The following DST variants were observed in gnomAD, a reference collection of about 807,000 sequenced individuals.
The protein encoded by DST is dystonin.
A neutral mutation model predicts 875.2 loss-of-function variants in DST; 253 were observed. That is an observed-to-expected ratio of 0.29 (90% confidence interval 0.26 to 0.32). DST has a LOEUF of 0.32. Ranked by LOEUF, DST falls within the 10% of genes least tolerant of loss-of-function variation. The pLI, the probability that DST is intolerant of heterozygous loss-of-function variation, is 1.00. For missense variants in DST, 8,287 were observed against 9,111.6 expected (o/e 0.91, Z 3.68); for synonymous variants, 3,124 against 3,197.1 (o/e 0.98, Z 0.77).
chr6:56,564,601 A>G (rs1279341725), intron 55 of DST, among the ~76,000 whole-genome samples: 3 of 152,174 alleles, frequency 2.0e-5, no homozygotes, highest in Non-Finnish European at 4.4e-5. Context: ...AGAACTTCCA[A>G]TACTATGCTG....
At chr6:56,805,079 G>T (rs2153027314) in intron 4 of DST, among the ~76,000 whole-genome samples, 1 of 151,778 alleles carries the variant, frequency 6.6e-6, no homozygotes, top group South Asian at 2.1e-4. Context: ...GATTACTTTT[G>T]TCTGTAAAAC....
At chr6:56,765,013 A>G (rs966930905) in intron 4 of DST, among the ~76,000 whole-genome samples, 3 of 134,952 alleles carry the variant, frequency 2.2e-5, no homozygotes, top group African/African-American at 9.3e-5. Flanking sequence ...GAGGGAGGGT[A>G]AGAAGCAATA....
At chr6:56,680,558 C>A (rs545957251) in intron 9 of DST, among the ~76,000 whole-genome samples, 1 of 152,204 alleles carries the variant, frequency 6.6e-6, no homozygotes, top group African/African-American at 2.4e-5. Context: ...CCTGATCTCA[C>A]TGAGGCATCT....
intron 102 of DST, 189 bp from the exon 103 acceptor site, chr6:56,460,443 C>T: frequency 2.0e-6 from 1 of 510,374 alleles, no homozygotes; most frequent in Non-Finnish European, 3.3e-6. Flanking sequence ...TTCTCATTCT[C>T]TCTCAGAATT....
In DST at chr6:56,572,989, T is replaced by A; in HGVS notation, c.13312A>T (p.Thr4438Ser). ...GAGGATGCAGTGGATGGATCTGTTG[T>A]TTCCATAAATTTCTTCACTTTTTCA... ...MNEKVKKFME[T>S]TDPSTASSLQ... The change falls in exon 52 of 104, where the codon ACA becomes TCA. Residue 4438 changes from threonine to serine, a missense_variant. Thr to Ser is a moderately conservative substitution (Grantham distance 58). Around this residue, in one of 10 missense-constraint regions of DST, gnomAD observed 1,513 missense variants for 1,677.8 expected, o/e 0.90. Transcript: ENST00000680361. 3 of 1,607,168 alleles carry A rather than the reference T, an allele frequency of 1.9e-6. No homozygotes were observed. The South Asian group carries it at 3.4e-5, about 18-fold the overall frequency.
intron 49 of DST, among the ~76,000 whole-genome samples, chr6:56,586,287 G>A (rs1202300031): frequency 1.3e-5 from 2 of 151,582 alleles, no homozygotes; most frequent in East Asian, 1.9e-4. Flanking sequence ...CTCCTGTATT[G>A]GGTGCATATA....
chr6:56,906,694 C>T (rs1488387024), intron 2 of DST, among the ~76,000 whole-genome samples: 1 of 152,090 alleles, frequency 6.6e-6, no homozygotes, highest in African/African-American at 2.4e-5. Flanking sequence ...CTCAGAAGTC[C>T]CCTCTCTCTC....
chr6:56,778,104 A>C (rs1351746031), intron 4 of DST, among the ~76,000 whole-genome samples: 1 of 152,156 alleles, frequency 6.6e-6, no homozygotes, highest in East Asian at 1.9e-4. Context: ...TATCACGTAT[A>C]AGCACAAAAA....
At chr6:56,675,081 C>A (rs1429553506) in intron 9 of DST, among the ~76,000 whole-genome samples, 3 of 152,134 alleles carry the variant, frequency 2.0e-5, no homozygotes, top group Non-Finnish European at 2.9e-5. Flanking sequence ...AGTGGAACAA[C>A]AGAGAGCCCA....
At chr6:56,509,271 G>A (rs2096413265) in intron 74 of DST, among the ~76,000 whole-genome samples, 1 of 152,076 alleles carries the variant, frequency 6.6e-6, no homozygotes, top group East Asian at 1.9e-4. Flanking sequence ...CATTTTTGTG[G>A]CTATGTGATG....
At chr6:56,847,109 G>C (rs934431617) in intron 4 of DST, among the ~76,000 whole-genome samples, 2 of 151,612 alleles carry the variant, frequency 1.3e-5, no homozygotes, top group Admixed American at 6.6e-5. Flanking sequence ...CTTGAGCCCA[G>C]GAGTTCGAGT....
intron 4 of DST, among the ~76,000 whole-genome samples, chr6:56,796,970 G>T (rs531251192): frequency 5.9e-5 from 9 of 152,238 alleles, no homozygotes; most frequent in Admixed American, 4.6e-4. Flanking sequence ...ACTGCACTTG[G>T]CTTTATTGTG....
At chr6:56,857,336 G>A (rs948407388) in intron 3 of DST, among the ~76,000 whole-genome samples, 1 of 152,130 alleles carries the variant, frequency 6.6e-6, no homozygotes, top group Non-Finnish European at 1.5e-5. Flanking sequence ...GGTCTTTTGT[G>A]GTGTGTTTAA....
intron 55 of DST, among the ~76,000 whole-genome samples, chr6:56,567,823 C>CT (rs1217607543): frequency 1.3e-5 from 2 of 152,086 alleles, no homozygotes; most frequent in Non-Finnish European, 2.9e-5. Flanking sequence ...TTTAAAAAAA[C>CT]TTGTTACTGT....
At chr6:56,830,417 ATT>A (rs2099785615) in intron 4 of DST, among the ~76,000 whole-genome samples, 1 of 152,182 alleles carries the variant, frequency 6.6e-6, no homozygotes, top group Non-Finnish European at 1.5e-5. Flanking sequence ...TGAATTACAG[ATT>A]TTTACTCATT....
chr6:56,616,214 T>C (rs770137226), intron 36 of DST: 1 of 1,614,190 alleles, frequency 6.2e-7, no homozygotes, highest in Non-Finnish European at 8.5e-7. Context: ...CTGATACTTT[T>C]TGACCAAGGC....
At position 56,526,531 on chromosome 6, in the gene DST, G is replaced by A; in HGVS notation, c.17959C>T (p.Leu5987=). ...KKEAKNNKAL[L]DSLNEVSSAL... ...CTGCTCACTTCATTAAGGGAGTCCA[G>A]TAAGGCTTTGTTGTTCTTAGCTTCC... The change falls in exon 69 of 104, where the codon CTG becomes TTG. Residue 5987 remains leucine (L), a synonymous_variant. Transcript: ENST00000680361. 1 of 1,613,702 alleles carries A rather than the reference G, an allele frequency of 6.2e-7. No homozygotes were observed. The highest frequency in any genetic ancestry group is 8.5e-7 in the Non-Finnish European group (1 of 1,179,730).
chr6:56,563,930 T>C (rs2097592976), intron 55 of DST, among the ~76,000 whole-genome samples: 1 of 152,224 alleles, frequency 6.6e-6, no homozygotes, highest in Non-Finnish European at 1.5e-5. Context: ...GTTCTGTTGG[T>C]CTATATGTCT....
chr6:56,726,289 T>C (rs1361828985), intron 5 of DST, among the ~76,000 whole-genome samples: 1 of 152,200 alleles, frequency 6.6e-6, no homozygotes, highest in Admixed American at 6.5e-5. Flanking sequence ...AGTCCCTCTG[T>C]CAGACTAAAA....
Sources: allele counts gnomAD v4.1 joint callset (sites outside exome capture counted in the v4.1 genomes callset), GRCh38; gene constraint gnomAD v4.1.1; regional missense constraint gnomAD v4.1.1; transcripts MANE v1.5; gene names NCBI Gene and HGNC (gene_info 2026-07-23, HGNC 2026-07-21).